PI4K2B: variants seen among roughly 807,000 people sequenced by gnomAD.
PI4K2B encodes phosphatidylinositol 4-kinase type 2-beta.
A neutral mutation model predicts 56.6 loss-of-function variants in PI4K2B; 46 were observed. The observed-to-expected ratio is 0.81, with a 90% confidence interval of 0.64 to 1.04. The LOEUF is 1.04. Ranked by LOEUF, PI4K2B falls within the 50% of genes least tolerant of loss-of-function variation. The probability of loss-of-function intolerance (pLI) is 0.00; values close to 1 mark genes in which losing one functional copy is unlikely to be tolerated. For synonymous variants in PI4K2B, 211 were observed against 223.8 expected (o/e 0.94, Z 0.51); for missense variants, 556 against 607.7 (o/e 0.91, Z 0.89).
At chr4:25,237,342 GTTTTTTT>G (rs36107923) in intron 1 of PI4K2B, among the ~76,000 whole-genome samples, 1 of 144,628 alleles carries the variant, frequency 6.9e-6, no homozygotes, top group African/African-American at 2.5e-5. Flanking sequence ...TACTATTTTT[GTTTTTTT>G]TTTTTGTTTT....
chr4:25,266,845 AG>A, intron 7 of PI4K2B, among the ~76,000 whole-genome samples: 1 of 152,294 alleles, frequency 6.6e-6, no homozygotes, highest in South Asian at 2.1e-4. Flanking sequence ...GCTATTACTG[AG>A]GAAAATCACA....
chr4:25,272,006 G>A (rs313534), intron 9 of PI4K2B, among the ~76,000 whole-genome samples: 126,025 of 152,146 alleles, frequency 0.83, 52,286 homozygotes, highest in Non-Finnish European at 0.84. Flanking sequence ...AGCCACGCAT[G>A]GTGGCATGTG....
chr4:25,276,976 T>A, intron 9 of PI4K2B, 38 bp from the exon 10 acceptor site: 1 of 1,478,196 alleles, frequency 6.8e-7, no homozygotes, highest in Non-Finnish European at 9.1e-7. Flanking sequence ...AAGCTTTTTA[T>A]CTTTTTAAAT....
Position 25,272,308 on chromosome 4 carries a change from A to G in PI4K2B, c.1272+3105A>G, listed in dbSNP as rs188530145. 3.0e-3 allele frequency among the ~76,000 whole-genome samples: 458 copies of G among 152,362 alleles called. 1 individual carries two copies. The highest frequency in any genetic ancestry group is 3.9e-3 in the Non-Finnish European group (263 of 68,030). On this transcript the variant is annotated intron_variant, in intron 9 of 9. Coordinates refer to ENST00000264864, the MANE Select transcript of PI4K2B (RefSeq NM_018323.4). ...TAAAAATGAATATAATAAAATATGA[A>G]GATGACAGGGTCAACAACTTAGGAG... is the stretch of plus-strand genomic sequence containing the variant.
chr4:25,235,626 A>G (rs1715229213), intron 1 of PI4K2B, among the ~76,000 whole-genome samples: 1 of 152,242 alleles, frequency 6.6e-6, no homozygotes, highest in Non-Finnish European at 1.5e-5. Context: ...AACAACGTGA[A>G]GCTGAAACCA....
chr4:25,244,413 A>G (rs910073367), intron 1 of PI4K2B, among the ~76,000 whole-genome samples: 4 of 152,166 alleles, frequency 2.6e-5, no homozygotes, highest in Non-Finnish European at 4.4e-5. Context: ...TTCTCCCTCA[A>G]TGAAAAGAAA....
chr4:25,252,956 G>A (rs1472924433), intron 2 of PI4K2B, among the ~76,000 whole-genome samples: 1 of 152,168 alleles, frequency 6.6e-6, no homozygotes, highest in African/African-American at 2.4e-5. Context: ...CTTAGAAACA[G>A]AGCTAATCAG....
intron 1 of PI4K2B, among the ~76,000 whole-genome samples, chr4:25,251,724 G>A (rs906745351): frequency 2.6e-5 from 4 of 152,144 alleles, no homozygotes; most frequent in African/African-American, 9.7e-5. Flanking sequence ...AAGTAGGATG[G>A]ATGATAGAAT....
chr4:25,263,903 G>A (rs1051353571), intron 7 of PI4K2B, 54 bp downstream of exon 7: 9 of 754,534 alleles, frequency 1.2e-5, no homozygotes, highest in Non-Finnish European at 2.0e-5. Context: ...TCCAGAATGA[G>A]AAGGGAAAAA....
chr4:25,240,867 C>CTT (rs533921667), intron 1 of PI4K2B, among the ~76,000 whole-genome samples: 2 of 152,180 alleles, frequency 1.3e-5, no homozygotes, highest in African/African-American at 4.8e-5. Flanking sequence ...CTTCCTCTCT[C>CTT]TGTCTCCTTC....
intron 1 of PI4K2B, among the ~76,000 whole-genome samples, chr4:25,241,223 C>G (rs1321792294): frequency 6.6e-6 from 1 of 152,224 alleles, no homozygotes; most frequent in African/African-American, 2.4e-5. Context: ...TTTCCCAGTT[C>G]TAAGGCTCTG....
chr4:25,254,801 C>A (rs951545072), intron 2 of PI4K2B, among the ~76,000 whole-genome samples: 2 of 152,118 alleles, frequency 1.3e-5, no homozygotes, highest in Non-Finnish European at 2.9e-5. Context: ...GGTCTTGGAG[C>A]CTTGCCCCCA....
intron 5 of PI4K2B, 139 bp downstream of exon 5, chr4:25,259,329 G>C: frequency 1.6e-6 from 1 of 611,470 alleles, no homozygotes; most frequent in Non-Finnish European, 2.9e-6. Flanking sequence ...AACAGATGTA[G>C]TATTGACTCT....
At chr4:25,276,832 C>T (rs911174062) in intron 9 of PI4K2B, 182 bp from the exon 10 acceptor site, 59 of 935,696 alleles carry the variant, frequency 6.3e-5, no homozygotes, top group South Asian at 9.9e-5. Context: ...TGTGTGTGTG[C>T]GCGTGTGTGT....
chr4:25,277,107 A>C lies in PI4K2B; in HGVS notation c.1366A>C (p.Ser456Arg). 1 of 1,614,020 alleles carries C rather than the reference A, an allele frequency of 6.2e-7. No homozygotes were observed. The highest frequency in any genetic ancestry group is 8.5e-7 in the Non-Finnish European group (1 of 1,179,932). ...GATTGTGGAACGCAGTCAAGGTGGA[A>C]GTCAGGGTCGGATTGTCCACCTGAG... is the stretch of plus-strand genomic sequence containing the variant. ...CVIVERSQGG[S>R]QGRIVHLSNS... Residue 456 changes from serine (S) to arginine (R), a missense_variant, in exon 10 of 10, where the codon AGT becomes CGT. Transcript: ENST00000264864.
chr4:25,266,450 T>C (rs1042498952), intron 7 of PI4K2B, among the ~76,000 whole-genome samples: 1 of 152,268 alleles, frequency 6.6e-6, no homozygotes, highest in African/African-American at 2.4e-5. Flanking sequence ...GTAGTTTAAG[T>C]CTCAATAAAC....
At chr4:25,267,861 T>C in intron 7 of PI4K2B, 1 of 983,360 alleles carries the variant, frequency 1.0e-6, no homozygotes, top group Non-Finnish European at 1.2e-6. Context: ...ACATCTTCTG[T>C]GTACAAGTAA....
chr4:25,248,472 G>A (rs1163608858), intron 1 of PI4K2B, among the ~76,000 whole-genome samples: 1 of 152,136 alleles, frequency 6.6e-6, no homozygotes, highest in East Asian at 1.9e-4. Context: ...GGTGGTAAGT[G>A]CTAAATAGAA....
At chr4:25,241,450 C>T (rs1352033026) in intron 1 of PI4K2B, among the ~76,000 whole-genome samples, 1 of 152,210 alleles carries the variant, frequency 6.6e-6, no homozygotes. Context: ...AATTTGTTGG[C>T]AGTCATGCTC....
Sources: gnomAD v4.1 joint callset for allele counts (sites outside exome capture counted in the v4.1 genomes callset) on GRCh38, gnomAD v4.1.1 for gene constraint, MANE v1.5 for transcripts, NCBI Gene and HGNC (gene_info 2026-07-23, HGNC 2026-07-21) for gene names.